The following TG variants were observed in gnomAD, a reference collection of about 807,000 sequenced individuals.
TG encodes thyroid hormones.
In TG, 270 loss-of-function variants were observed where a neutral mutation model predicts 324.7. The observed-to-expected ratio is 0.83, with a 90% CI of 0.75 to 0.92. The LOEUF is 0.92. Among genes scored for constraint, TG ranks in the 40% least tolerant of loss-of-function variants. TG has a pLI of 0.00. For synonymous variants in TG, 1,401 were observed against 1,327.0 expected, an observed-to-expected ratio of 1.06 and a Z score of -1.21; for missense variants, 3,591 against 3,456.4, an observed-to-expected ratio of 1.04 and a Z score of -0.98.
At chr8:132,925,516 C>CGTGTGTGTGTGTGT (rs139966752) in intron 22 of TG, among the ~76,000 whole-genome samples, 4,724 of 144,744 alleles carry the variant, frequency 0.033, 119 homozygotes, top group Middle Eastern at 0.1. Flanking sequence ...CTAAGGAGTG[C>CGTGTGTGTGTGTGT]GTGTGTGTGT....
At chr8:133,102,554 G>C in intron 43 of TG, 2 of 1,551,552 alleles carry the variant, frequency 1.3e-6, no homozygotes, top group Non-Finnish European at 1.7e-6. Flanking sequence ...GCAACCTACC[G>C]GTGGAGCATC....
At chr8:133,075,013 T>A (rs557523372) in intron 41 of TG, 2 of 985,442 alleles carry the variant, frequency 2.0e-6, no homozygotes, top group East Asian at 1.1e-4. Context: ...ACAGAAGAAC[T>A]GCAGTTGCTA....
At chr8:133,027,591 G>A (rs1444949579) in intron 40 of TG, among the ~76,000 whole-genome samples, 1 of 152,228 alleles carries the variant, frequency 6.6e-6, no homozygotes, top group Non-Finnish European at 1.5e-5. Flanking sequence ...TAGAAGGTCA[G>A]GAAGGCCAGG....
chr8:133,126,078 T>C (rs968916012), intron 45 of TG, among the ~76,000 whole-genome samples: 2 of 152,116 alleles, frequency 1.3e-5, no homozygotes, highest in African/African-American at 2.4e-5. Flanking sequence ...TTGTGAAAAA[T>C]GAGTAAGATA....
At position 132,901,369 on chromosome 8, in the gene TG, T is replaced by C. The variant is rs1195791936; in HGVS notation, c.3450T>C (p.Asn1150=). The C allele has an allele frequency of 2.4e-5, 38 of 1,614,026 alleles. No homozygotes were observed. Among genetic ancestry groups the C allele is most frequent in the Middle Eastern group, 3.3e-4 (2 of 6,084 alleles). ...SSSAQCPSLC[N]VLKSGVLSRR... is the part of the protein sequence containing the mutation. ...CTGTGTCAGGCCCAAGCCTCTGCAATGTGCTCAAGAGTGGAGTCCTCTCCA... is the reference window on the plus strand; with the variant it reads ...CTGTGTCAGGCCCAAGCCTCTGCAACGTGCTCAAGAGTGGAGTCCTCTCCA... Residue 1150 remains asparagine (N), a synonymous_variant, in exon 16 of 48, where the codon AAT becomes AAC. Coordinates refer to ENST00000220616, the MANE Select transcript of TG (RefSeq NM_003235.5).
intron 41 of TG, among the ~76,000 whole-genome samples, chr8:133,058,490 G>A (rs556201701): frequency 2.0e-5 from 3 of 152,328 alleles, no homozygotes; most frequent in African/African-American, 4.8e-5. Context: ...CATGAGGTTC[G>A]CTCAAGCATG....
Position 132,893,771 on chromosome 8 carries a change from G to C in TG, c.2843G>C (p.Ser948Thr). ...GAAGAGATTGTTTCAGCTTCCAACAGTTCTCGGTTCCCTCTGGGGGAGAGT... is the reference window on the plus strand; with the variant it reads ...GAAGAGATTGTTTCAGCTTCCAACACTTCTCGGTTCCCTCTGGGGGAGAGT... ...ETEEIVSASNSSRFPLGESFL... is the reference protein window; with the variant it reads ...ETEEIVSASNTSRFPLGESFL... Residue 948 changes from serine (S) to threonine (T), a missense_variant, in exon 11 of 48, where the codon AGT (serine) becomes ACT (threonine). By Grantham distance (58) the Ser-to-Thr change is moderately conservative. Coordinates refer to ENST00000220616, the MANE Select transcript of TG (RefSeq NM_003235.5). The C allele has an allele frequency of 6.2e-7, 1 of 1,613,984 alleles. No individual in the cohort carries two copies. The highest frequency in any genetic ancestry group is 8.5e-7 in the Non-Finnish European group (1 of 1,179,920).
intron 41 of TG, chr8:133,037,170 A>T (rs541177001): frequency 1.3e-5 from 2 of 152,316 alleles, no homozygotes; most frequent in South Asian, 4.1e-4. Flanking sequence ...CTTCCCCAGG[A>T]TCCCTTTGAA....
intron 41 of TG, among the ~76,000 whole-genome samples, chr8:133,039,582 CAAAG>C (rs928063686): frequency 2.0e-5 from 3 of 152,042 alleles, no homozygotes; most frequent in African/African-American, 7.2e-5. Context: ...TTAGAAAAAA[CAAAG>C]AAGTCACTGT....
chr8:133,010,116 T>C (rs1834375325), intron 35 of TG, among the ~76,000 whole-genome samples: 1 of 152,322 alleles, frequency 6.6e-6, no homozygotes, highest in South Asian at 2.1e-4. Context: ...CTCAGCTGCA[T>C]AGGAAACTCA....
chr8:132,979,299 A>G (rs539580858), intron 34 of TG, among the ~76,000 whole-genome samples: 1 of 152,232 alleles, frequency 6.6e-6, no homozygotes, highest in African/African-American at 2.4e-5. Context: ...CATTGTCTGC[A>G]AGTGGGGCAA....
chr8:132,871,135 A>G (rs899205387), intron 3 of TG, among the ~76,000 whole-genome samples: 2 of 152,046 alleles, frequency 1.3e-5, no homozygotes. Flanking sequence ...TACCTGACTG[A>G]TGTGGCACCA....
At chr8:132,885,087 T>C (rs1224303349) in intron 8 of TG, among the ~76,000 whole-genome samples, 1 of 148,178 alleles carries the variant, frequency 6.7e-6, no homozygotes, top group Non-Finnish European at 1.5e-5. Context: ...ACTTTCTTTT[T>C]GGCATTTATG....
chr8:132,976,038 A>C (rs1198848641), intron 34 of TG, among the ~76,000 whole-genome samples: 1 of 152,220 alleles, frequency 6.6e-6, no homozygotes. Flanking sequence ...TTCCTTAGAC[A>C]CAGTGTAGTG....
At chr8:133,044,661 G>A (rs1195426442) in intron 41 of TG, among the ~76,000 whole-genome samples, 1 of 152,122 alleles carries the variant, frequency 6.6e-6, no homozygotes, top group African/African-American at 2.4e-5. Flanking sequence ...CTATAACAAA[G>A]CCCCAGAGGC....
Position 133,022,135 on chromosome 8 carries a change from G to A in TG, c.7021G>A (p.Gly2341Ser), listed in dbSNP as rs898275076. The change falls in exon 40 of 48, where the codon GGC becomes AGC. Residue 2341 changes from glycine (G) to serine (S), a missense_variant. Transcript: ENST00000220616. ...TGCCAGCTACCGAGTGGGTGTCTTC[G>A]GCTTCCTGAGTTCTGGTGAGTTGCT... Reference protein sequence around the residue: ...VTASYRVGVFGFLSSGSGEVS... With the variant: ...VTASYRVGVFSFLSSGSGEVS... 9 of 1,613,908 alleles carry A rather than the reference G, an allele frequency of 5.6e-6. No individual in the cohort carries two copies. The highest frequency in any genetic ancestry group is 1.3e-5 in the African/African-American group (1 of 74,878).
intron 43 of TG, among the ~76,000 whole-genome samples, chr8:133,098,386 G>C (rs568676890): frequency 6.6e-6 from 1 of 152,338 alleles, no homozygotes; most frequent in South Asian, 2.1e-4. Context: ...TCTAGTCTTA[G>C]TATTCTCTTG....
intron 24 of TG, 42 bp from the exon 25 acceptor site, chr8:132,935,714 A>T: frequency 1.3e-6 from 2 of 1,522,384 alleles, no homozygotes; most frequent in Non-Finnish European, 1.8e-6. Context: ...ATTGAATTAT[A>T]AAGTATTGCA....
chr8:132,897,681 C>T lies in TG; in HGVS notation c.3034C>T (p.Pro1012Ser). ...LSFYQRRRFS[P>S]DDSAGASALL... ...CTTCTATCAGAGACGCCGCTTTTCC[C>T]CGGACGACTCGGCTGGAGCATCCGC... The change falls in exon 12 of 48, where the codon CCG becomes TCG. Residue 1012 changes from proline to serine, a missense_variant. By Grantham distance (74) the Pro-to-Ser change is moderately conservative (BLOSUM62 -1). Transcript: ENST00000220616. 6.2e-7 allele frequency: 1 copy of T among 1,614,214 alleles called. No individual in the cohort carries two copies. The highest frequency in any genetic ancestry group is 8.5e-7 in the Non-Finnish European group (1 of 1,180,034).
Sources: allele counts gnomAD v4.1 joint callset (sites outside exome capture counted in the v4.1 genomes callset), GRCh38; gene constraint gnomAD v4.1.1; transcripts MANE v1.5; gene names NCBI Gene and HGNC (gene_info 2026-07-23, HGNC 2026-07-21).